PPM1A: variants seen among roughly 807,000 people sequenced by gnomAD.
The protein encoded by PPM1A is protein phosphatase 1A.
In PPM1A, 7 loss-of-function variants were observed where a neutral mutation model predicts 35.0. That is an observed-to-expected ratio of 0.20 (90% confidence interval 0.11 to 0.38). The LOEUF is 0.38. Among genes scored for constraint, PPM1A ranks in the 10% least tolerant of loss-of-function variants. The pLI is 1.00. For missense variants in PPM1A, 239 were observed against 467.8 expected, an observed-to-expected ratio of 0.51 and a Z score of 4.51; for synonymous variants, 153 against 167.3, an observed-to-expected ratio of 0.91 and a Z score of 0.66.
In PPM1A at chr14:60,282,574, A is replaced by G. The variant is rs1886534371; in HGVS notation, c.-20-110A>G. ...TCAGCAACACAATGAATGTCTGCTT[A>G]TCGCGAGTTGTGAATTCCCGCATAT... On this transcript the variant is annotated intron_variant, in intron 1 of 5. Transcript: ENST00000395076. This position sits in a 1 kb window ranked among gnomAD's most constrained non-coding sequence, Gnocchi z 5.1. 1 of 1,319,094 alleles carries G rather than the reference A, an allele frequency of 7.6e-7. No homozygotes were observed. The highest frequency in any genetic ancestry group is 1.5e-5 in the African/African-American group (1 of 67,706). 81.7% of individuals were successfully genotyped at this position (1,319,094 alleles called of 1,614,324 possible). A position where few individuals can be genotyped will look rare whatever the true frequency, so the allele number is the denominator to read the frequency against.
In PPM1A at chr14:60,273,917, C is replaced by T. The variant is rs1349878088; in HGVS notation, c.-20-8767C>T. Among the ~76,000 whole-genome samples, 3 of 152,192 alleles carry T rather than the reference C, an allele frequency of 2.0e-5. No individual in the cohort carries two copies. In the East Asian group the frequency reaches 5.8e-4, roughly 29 times the overall value. ...CCTGGATTCAAGCAATCTTACCGCC[C>T]CAGCCTCCAAGCAGTTGGGACTACA... On this transcript the variant is annotated intron_variant, in intron 1 of 5. Coordinates refer to ENST00000395076, the MANE Select transcript of PPM1A (RefSeq NM_021003.5). The surrounding 1 kb of genome is among the most constrained non-coding windows in gnomAD (Gnocchi z 4.3).
chr14:60,261,074 G>T (rs892327491), intron 1 of PPM1A, among the ~76,000 whole-genome samples: 3 of 152,136 alleles, frequency 2.0e-5, no homozygotes, highest in Non-Finnish European at 4.4e-5. Flanking sequence ...ACTCAGACTT[G>T]CATGAGTTTA....
At chr14:60,275,839 T>G (rs1111368) in intron 1 of PPM1A, among the ~76,000 whole-genome samples, 55,695 of 147,712 alleles carry the variant, frequency 0.38, 11,811 homozygotes, top group African/African-American at 0.59. Flanking sequence ...TTTCCAAAGA[T>G]TAGCCTTTTT....
intron 1 of PPM1A, among the ~76,000 whole-genome samples, chr14:60,272,630 GC>G (rs1166984563): frequency 1.4e-5 from 2 of 146,230 alleles, no homozygotes; most frequent in East Asian, 4.0e-4. Context: ...ATCACTTGAA[GC>G]CGGGAGCCAA....
chr14:60,291,732 G>A (rs185717560), intron 5 of PPM1A, among the ~76,000 whole-genome samples: 3 of 148,684 alleles, frequency 2.0e-5, no homozygotes, highest in African/African-American at 7.4e-5. Context: ...ACTTCAGAAG[G>A]TTTGCCTCCA....
At chr14:60,268,343 C>G in intron 1 of PPM1A, 1 of 978,984 alleles carries the variant, frequency 1.0e-6, no homozygotes, top group Non-Finnish European at 1.2e-6. Context: ...ATTTGTTTTC[C>G]GAGAACTGTT....
intron 3 of PPM1A, chr14:60,287,726 ACT>A (rs1887175894): frequency 1.0e-6 from 1 of 984,628 alleles, no homozygotes; most frequent in South Asian, 4.7e-5. Flanking sequence ...TAAATACTTG[ACT>A]CTCTGGGGGT....
Position 60,297,675 on chromosome 14 carries a change from A to G in PPM1A, c.*5193A>G, listed in dbSNP as rs1463381439. On this transcript the variant is annotated 3_prime_UTR_variant, in exon 6 of 6. Transcript: ENST00000395076. ...TGTATGGTACTATCTAAAGTAAGTTAGATTGATGTAAGAGATCGGGTAGCT... is the reference window on the plus strand; with the variant it reads ...TGTATGGTACTATCTAAAGTAAGTTGGATTGATGTAAGAGATCGGGTAGCT... 1 of 151,732 alleles carries G rather than the reference A, an allele frequency of 6.6e-6. No homozygotes were observed. Among genetic ancestry groups the G allele is most frequent in the East Asian group, 1.9e-4 (1 of 5,200 alleles). The allele number at this position is 151,732 out of a possible 1,614,324, so 9.4% of individuals were successfully genotyped here. A position where few individuals can be genotyped will look rare whatever the true frequency, so the allele number is the denominator to read the frequency against.
At chr14:60,268,163 A>G (rs1477504079) in intron 1 of PPM1A, 1 of 300,766 alleles carries the variant, frequency 3.3e-6, no homozygotes, top group African/African-American at 2.2e-5. Flanking sequence ...ATCACATATT[A>G]CAGTTTGTTG....
upstream of PPM1A, among the ~76,000 whole-genome samples, chr14:60,246,198 G>A (rs1011784092): frequency 5.9e-5 from 9 of 152,162 alleles, no homozygotes; most frequent in African/African-American, 2.2e-4. Context: ...TATATTTTGA[G>A]AGGCCCAGGC....
At chr14:60,268,319 T>C (rs905532247) in intron 1 of PPM1A, 5 of 983,370 alleles carry the variant, frequency 5.1e-6, no homozygotes, top group African/African-American at 1.8e-5. Flanking sequence ...CTAGCACTAA[T>C]TGAAAAAAAA....
rs1595314799 is a variant in PPM1A at position 60,270,857 on chromosome 14, A to G, written c.-20-11827A>G. Among the ~76,000 whole-genome samples, 2 of 152,278 alleles carry G rather than the reference A, an allele frequency of 1.3e-5. 1 individual carries two copies. On this transcript the variant is annotated intron_variant, in intron 1 of 5. Transcript: ENST00000395076. Reference sequence around the variant, plus strand: ...TTGATGCTTGTTGAAATTACTGCACATTTTCATCTTTACAAGTTTGGCAGA... The same window carrying G: ...TTGATGCTTGTTGAAATTACTGCACGTTTTCATCTTTACAAGTTTGGCAGA...
At chr14:60,253,242 C>T (rs909447816) in intron 1 of PPM1A, among the ~76,000 whole-genome samples, 1 of 152,090 alleles carries the variant, frequency 6.6e-6, no homozygotes, top group Admixed American at 6.5e-5. Flanking sequence ...GTTTCTGTGG[C>T]TGATACGATT....
At chr14:60,286,284 A>G (rs1886996184) in intron 3 of PPM1A, 2 of 985,772 alleles carry the variant, frequency 2.0e-6, no homozygotes, top group Non-Finnish European at 2.4e-6. Context: ...TCACCTAAAC[A>G]AGATAGACCT....
chr14:60,286,943 TTATAGG>T, intron 3 of PPM1A: 7 of 894,408 alleles, frequency 7.8e-6, no homozygotes, highest in Non-Finnish European at 9.4e-6. Context: ...TATAAGTTAT[TTATAGG>T]TATAGTACAA....
At chr14:60,259,985 C>T (rs1490040955) in intron 1 of PPM1A, among the ~76,000 whole-genome samples, 1 of 151,994 alleles carries the variant, frequency 6.6e-6, no homozygotes, top group Non-Finnish European at 1.5e-5. Context: ...ATCAGGAAAC[C>T]TATGAAGAAC....
At chr14:60,276,870 CATTA>C (rs1420699627) in intron 1 of PPM1A, 2 of 212,314 alleles carry the variant, frequency 9.4e-6, no homozygotes, top group African/African-American at 2.3e-5. Flanking sequence ...CAAGACTGAA[CATTA>C]ATTAATGACT....
intron 1 of PPM1A, among the ~76,000 whole-genome samples, chr14:60,253,144 G>C (rs1269166379): frequency 6.6e-6 from 1 of 152,082 alleles, no homozygotes; most frequent in Admixed American, 6.5e-5. Flanking sequence ...GGGATCTTGA[G>C]TTTTTATAAT....
chr14:60,245,883 T>C (rs1363293739), upstream of PPM1A: 4 of 1,591,150 alleles, frequency 2.5e-6, no homozygotes, highest in African/African-American at 1.4e-5. The surrounding 1 kb of genome is among the most constrained non-coding windows in gnomAD (Gnocchi z 4.2). Context: ...TAGCAGAAGC[T>C]ACAATTTGTA....
Sources: allele counts gnomAD v4.1 joint callset (sites outside exome capture counted in the v4.1 genomes callset), GRCh38; gene constraint gnomAD v4.1.1; non-coding constraint Gnocchi (gnomAD v3.1); transcripts MANE v1.5; gene names NCBI Gene and HGNC (gene_info 2026-07-23, HGNC 2026-07-21).